Variants in OR10A6 observed in about 807,000 individuals in gnomAD.
The protein encoded by OR10A6 is olfactory receptor family 10 subfamily A member 6 (gene/pseudogene).
OR10A6 carries 2 observed loss-of-function variants against 1.5 expected under a neutral mutation model. That is an observed-to-expected ratio of 1.31 (90% CI 0.54 to 4.13). The LOEUF (loss-of-function observed/expected upper bound fraction) is 4.13, where lower values mean the gene tolerates loss of function less well. OR10A6 is among the 30% of genes most tolerant of loss of function. OR10A6 has a pLI of 0.07. For synonymous variants in OR10A6, 169 were observed against 137.3 expected (o/e 1.23, Z -1.61); for missense variants, 492 against 368.6 (o/e 1.33, Z -2.74).
At position 7,928,738 on chromosome 11, in the gene OR10A6, G is replaced by A. The variant is rs1859469641; in HGVS notation, c.-76C>T. Reference sequence around the variant, plus strand: ...TAAAGCCACAGTCCATTAGCTAAGAGTTCCAGTCTGCATTCACCCCAGAAA... The same window carrying A: ...TAAAGCCACAGTCCATTAGCTAAGAATTCCAGTCTGCATTCACCCCAGAAA... On this transcript the variant is annotated 5_prime_UTR_variant, in exon 4 of 4. Transcript: ENST00000641238. 2 of 1,057,938 alleles carry A rather than the reference G, an allele frequency of 1.9e-6. No individual in the cohort carries two copies. The highest frequency in any genetic ancestry group is 2.6e-6 in the Non-Finnish European group (2 of 765,676). The allele number at this position is 1,057,938 out of a possible 1,614,324, so 65.5% of individuals were successfully genotyped here.
chr11:7,925,802 A>G lies in OR10A6; in HGVS notation c.*1916T>C, dbSNP rs536073711. The G allele has an allele frequency of 6.6e-6, 1 of 152,240 alleles. No individual in the cohort carries two copies. Among genetic ancestry groups the G allele is most frequent in the African/African-American group, 2.4e-5 (1 of 41,464 alleles). The allele number at this position is 152,240 out of a possible 1,614,324, so 9.4% of individuals were successfully genotyped here. ...TTTGCTGAGGGCTGTTTGGTGCCCAAATGAAAACAGTATTATACAACATTC... is the reference window on the plus strand; with the variant it reads ...TTTGCTGAGGGCTGTTTGGTGCCCAGATGAAAACAGTATTATACAACATTC... On this transcript the variant is annotated 3_prime_UTR_variant, in exon 4 of 4. Transcript: ENST00000641238.
At position 7,928,911 on chromosome 11, in the gene OR10A6, A is replaced by G. The variant is rs1031634383; in HGVS notation, c.-249T>C. 5.4e-6 allele frequency: 2 copies of G among 372,412 alleles called. No individual in the cohort carries two copies. The highest frequency in any genetic ancestry group is 4.0e-5 in the East Asian group (1 of 25,046). The allele number at this position is 372,412 out of a possible 1,614,324, so 23.1% of individuals were successfully genotyped here. A position where few individuals can be genotyped will look rare whatever the true frequency, so the allele number is the denominator to read the frequency against. ...ATCTTGTCAAATAATATCAAAATTT[A>G]TTTGATATTATTTGAAAATTAAACA... On this transcript the variant is annotated 5_prime_UTR_variant, in exon 4 of 4. Transcript: ENST00000641238.
In OR10A6 at chr11:7,925,198, G is replaced by A. The variant is rs761937989; in HGVS notation, c.*2520C>T. 6.6e-6 allele frequency: 1 copy of A among 152,042 alleles called. No homozygotes were observed. The allele number at this position is 152,042 out of a possible 1,614,324, so 9.4% of individuals were successfully genotyped here. A position where few individuals can be genotyped will look rare whatever the true frequency, so the allele number is the denominator to read the frequency against. On this transcript the variant is annotated 3_prime_UTR_variant, in exon 4 of 4. Coordinates refer to ENST00000641238, the MANE Select transcript of OR10A6 (RefSeq NM_001004461.2). ...TAGTATGCAGAAATGATATGATTAG[G>A]CTATTATGTGTGAAGCATACTAACA...
chr11:7,929,430 A>G lies in OR10A6; in HGVS notation c.-768T>C, dbSNP rs1859482131. On this transcript the variant is annotated 5_prime_UTR_variant, in exon 4 of 4. Coordinates refer to ENST00000641238, the MANE Select transcript of OR10A6 (RefSeq NM_001004461.2). ...AAAACCATTTGGGGGATCATTGTGT[A>G]ATTTAAAAGATTTCACTCTCTCTCT... 1 of 151,982 alleles carries G rather than the reference A, an allele frequency of 6.6e-6. No individual in the cohort carries two copies. Among genetic ancestry groups the G allele is most frequent in the African/African-American group, 2.4e-5 (1 of 41,376 alleles). 9.4% of individuals were successfully genotyped at this position (151,982 alleles called of 1,614,324 possible).
Position 7,928,808 on chromosome 11 carries a change from G to A in OR10A6, c.-146C>T. ...GCCTATCCTGACAGAAATTTTCTTT[G>A]GCAATTTTAGACAATGACCAAATAC... On this transcript the variant is annotated 5_prime_UTR_variant, in exon 4 of 4. Coordinates refer to ENST00000641238, the MANE Select transcript of OR10A6 (RefSeq NM_001004461.2). 2.2e-6 allele frequency: 1 copy of A among 444,944 alleles called. No homozygotes were observed. The highest frequency in any genetic ancestry group is 1.0e-4 in the South Asian group (1 of 9,592). 27.6% of individuals were successfully genotyped at this position (444,944 alleles called of 1,614,324 possible). A position where few individuals can be genotyped will look rare whatever the true frequency, so the allele number is the denominator to read the frequency against.
At position 7,928,448 on chromosome 11, in the gene OR10A6, C is replaced by A. The variant is rs1239640825; in HGVS notation, c.215G>T (p.Ser72Ile). 7 of 1,613,606 alleles carry A rather than the reference C, an allele frequency of 4.3e-6. No homozygotes were observed. The Admixed American group carries it at 1.2e-4, about 27-fold the overall frequency. The change falls in exon 4 of 4, where the codon AGT becomes ATT. Residue 72 changes from serine to isoleucine, a missense_variant. By Grantham distance (142) the Ser-to-Ile change is moderately radical (BLOSUM62 -2). Transcript: ENST00000641238. ...FLLNLSVVDL[S>I]FSAVIMPEML... ...TTCAGGCATAATAACTGCACTGAAA[C>A]TCAGGTCCACCACAGATAAGTTCAG...
chr11:7,926,198 A>T lies in OR10A6; in HGVS notation c.*1520T>A, dbSNP rs1471414518. 2 of 152,446 alleles carry T rather than the reference A, an allele frequency of 1.3e-5. No homozygotes were observed. Among genetic ancestry groups the T allele is most frequent in the Non-Finnish European group, 2.9e-5 (2 of 68,268 alleles). The allele number at this position is 152,446 out of a possible 1,614,324, so 9.4% of individuals were successfully genotyped here. A position where few individuals can be genotyped will look rare whatever the true frequency, so the allele number is the denominator to read the frequency against. ...TGGTGGGGCTTTCCTGCCTTCCAGT[A>T]GGGGAACCACCCCCCATATCCCCTC... On this transcript the variant is annotated 3_prime_UTR_variant, in exon 4 of 4. Transcript: ENST00000641238.
chr11:7,928,170 T>C lies in OR10A6; in HGVS notation c.493A>G (p.Ser165Gly). 2 of 1,613,676 alleles carry C rather than the reference T, an allele frequency of 1.2e-6. No individual in the cohort carries two copies. Among genetic ancestry groups the C allele is most frequent in the Non-Finnish European group, 1.7e-6 (2 of 1,179,744 alleles). Residue 165 changes from serine to glycine, a missense_variant, in exon 4 of 4, where the codon AGT becomes GGT. Ser to Gly is a moderately conservative substitution (Grantham distance 56, BLOSUM62 0). Coordinates refer to ENST00000641238, the MANE Select transcript of OR10A6 (RefSeq NM_001004461.2). ...LGTVQTSWVS[S>G]FPFCGLNEIN... The stretch of plus-strand genomic sequence containing the variant: ...TCATTAAGGCCACAAAAGGGAAAAC[T>C]AGATACCCATGATGTTTGAACAGTA...
chr11:7,928,672 T>C lies in OR10A6; in HGVS notation c.-10A>G, dbSNP rs1454764733. On this transcript the variant is annotated 5_prime_UTR_variant, in exon 4 of 4. Coordinates refer to ENST00000641238, the MANE Select transcript of OR10A6 (RefSeq NM_001004461.2). ...GATTTTGTCTTTCCATTTTCAGTAATGAAGTCGTGCATTGATTTTATGGAC... is the reference window on the plus strand; with the variant it reads ...GATTTTGTCTTTCCATTTTCAGTAACGAAGTCGTGCATTGATTTTATGGAC... The C allele has an allele frequency of 3.2e-6, 5 of 1,576,620 alleles. No individual in the cohort carries two copies. Among genetic ancestry groups the C allele is most frequent in the African/African-American group, 1.4e-5 (1 of 73,480 alleles).
rs1327107080 is a variant in OR10A6, at chr11:7,928,434, T to A, written c.229A>T (p.Ile77Phe). 1.9e-6 allele frequency: 3 copies of A among 1,613,676 alleles called. No homozygotes were observed. Among genetic ancestry groups the A allele is most frequent in the Non-Finnish European group, 2.5e-6 (3 of 1,179,876 alleles). Reference protein sequence around the residue: ...SVVDLSFSAVIMPEMLVVLST... With the variant: ...SVVDLSFSAVFMPEMLVVLST... ...AGGACCACCAGCATTTCAGGCATAA[T>A]AACTGCACTGAAACTCAGGTCCACC... The change falls in exon 4 of 4, where the codon ATT (isoleucine) becomes TTT (phenylalanine). Residue 77 changes from isoleucine to phenylalanine, a missense_variant. Physicochemically the swap from Ile to Phe is conservative, Grantham distance 21 (BLOSUM62 0). Transcript: ENST00000641238.
rs1031874667 is a variant in OR10A6 at position 7,929,178 on chromosome 11, C to G, written c.-516G>C. ...AAAATATTAATTAGATTCAAAGTAC[C>G]TATATATGACTTGGAGAAAGAAAAC... On this transcript the variant is annotated 5_prime_UTR_variant, in exon 4 of 4. Transcript: ENST00000641238. The G allele has an allele frequency of 7.9e-5, 12 of 152,222 alleles. No homozygotes were observed. Among genetic ancestry groups the G allele is most frequent in the African/African-American group, 1.7e-4 (7 of 41,412 alleles). The allele number at this position is 152,222 out of a possible 1,614,324, so 9.4% of individuals were successfully genotyped here.
At position 7,929,968 on chromosome 11, in the gene OR10A6, A is replaced by ATATATATGTG. The variant is rs1169231283; in HGVS notation, c.-1307_-1306insCACATATATA. 5 of 62,696 alleles carry ATATATATGTG rather than the reference A, an allele frequency of 8.0e-5. No homozygotes were observed. The highest frequency in any genetic ancestry group is 6.6e-3 in the Middle Eastern group (1 of 152). 3.9% of individuals were successfully genotyped at this position (62,696 alleles called of 1,614,324 possible). ...TAGTAAGGTATGTGTATGTGTATGTATATATATATATATATATATATATAT... is the reference window on the plus strand; with the variant it reads ...TAGTAAGGTATGTGTATGTGTATGTATATATATGTGTATATATATATATATATATATATAT... On this transcript the variant is annotated 5_prime_UTR_variant, in exon 4 of 4. Coordinates refer to ENST00000641238, the MANE Select transcript of OR10A6 (RefSeq NM_001004461.2).
In OR10A6 at chr11:7,927,403, C is replaced by A. The variant is rs372170215; in HGVS notation, c.*315G>T. The A allele has an allele frequency of 3.3e-4, 82 of 246,002 alleles. 1 individual carries two copies. In the South Asian group the frequency reaches 0.012, roughly 37 times the overall value. 15.2% of individuals were successfully genotyped at this position (246,002 alleles called of 1,614,324 possible). The stretch of plus-strand genomic sequence containing the variant: ...AAGCTATTCTGTAAAAATTAAAGCA[C>A]CAGAATTTATGAATATATAAAAACT... On this transcript the variant is annotated 3_prime_UTR_variant, in exon 4 of 4. Coordinates refer to ENST00000641238, the MANE Select transcript of OR10A6 (RefSeq NM_001004461.2).
chr11:7,928,819 A>G lies in OR10A6; in HGVS notation c.-157T>C. 2.3e-6 allele frequency: 1 copy of G among 428,898 alleles called. No individual in the cohort carries two copies. The highest frequency in any genetic ancestry group is 3.4e-5 in the East Asian group (1 of 29,224). The allele number at this position is 428,898 out of a possible 1,614,324, so 26.6% of individuals were successfully genotyped here. ...CAGAAATTTTCTTTGGCAATTTTAGACAATGACCAAATACTTGGATTATAT... is the reference window on the plus strand; with the variant it reads ...CAGAAATTTTCTTTGGCAATTTTAGGCAATGACCAAATACTTGGATTATAT... On this transcript the variant is annotated 5_prime_UTR_variant, in exon 4 of 4. Coordinates refer to ENST00000641238, the MANE Select transcript of OR10A6 (RefSeq NM_001004461.2).
rs1463968483 is a variant in OR10A6, at chr11:7,926,055, T to C, written c.*1663A>G. ...ATACCTACCCTTTCCTAATTGGTTT[T>C]TCTACACTGTCATGCCCACCTTTGA... On this transcript the variant is annotated 3_prime_UTR_variant, in exon 4 of 4. Coordinates refer to ENST00000641238, the MANE Select transcript of OR10A6 (RefSeq NM_001004461.2). 6.6e-6 allele frequency: 1 copy of C among 152,258 alleles called. No homozygotes were observed. Among genetic ancestry groups the C allele is most frequent in the Admixed American group, 6.5e-5 (1 of 15,278 alleles). The allele number at this position is 152,258 out of a possible 1,614,324, so 9.4% of individuals were successfully genotyped here. A position where few individuals can be genotyped will look rare whatever the true frequency, so the allele number is the denominator to read the frequency against.
At chr11:7,931,063 T>G (rs1287117588) in intron 1 of OR10A6, 50 bp from the exon 2 acceptor site, 1 of 152,166 alleles carries the variant, frequency 6.6e-6, no homozygotes, top group Non-Finnish European at 1.5e-5. Flanking sequence ...GTCTACTGAC[T>G]CAATGTTTCA....
Position 7,928,316 on chromosome 11 carries a change from C to A in OR10A6, c.347G>T (p.Gly116Val). 1 of 1,613,818 alleles carries A rather than the reference C, an allele frequency of 6.2e-7. No individual in the cohort carries two copies. Among genetic ancestry groups the A allele is most frequent in the South Asian group, 1.1e-5 (1 of 91,066 alleles). Residue 116 changes from glycine (G) to valine (V), a missense_variant, in exon 4 of 4, where the codon GGA becomes GTA. Transcript: ENST00000641238. ...AGCAAATCGGTCATAAGCCATTGCT[C>A]CCAGAAGAAAACATTCAGCCCCACC... The part of the protein sequence containing the change: ...LFGGAECFLL[G>V]AMAYDRFAAI...
Position 7,925,795 on chromosome 11 carries a change from G to A in OR10A6, c.*1923C>T, listed in dbSNP as rs189822868. 1.3e-5 allele frequency: 2 copies of A among 152,308 alleles called. No individual in the cohort carries two copies. Among genetic ancestry groups the A allele is most frequent in the East Asian group, 3.9e-4 (2 of 5,176 alleles). The allele number at this position is 152,308 out of a possible 1,614,324, so 9.4% of individuals were successfully genotyped here. ...AAAGGCTTTTGCTGAGGGCTGTTTG[G>A]TGCCCAAATGAAAACAGTATTATAC... On this transcript the variant is annotated 3_prime_UTR_variant, in exon 4 of 4. Transcript: ENST00000641238.
rs1178510436 is a variant in OR10A6 at position 7,926,047 on chromosome 11, A to G, written c.*1671T>C. On this transcript the variant is annotated 3_prime_UTR_variant, in exon 4 of 4. Coordinates refer to ENST00000641238, the MANE Select transcript of OR10A6 (RefSeq NM_001004461.2). ...TTTTACATATACCTACCCTTTCCTAATTGGTTTTTCTACACTGTCATGCCC... is the reference window on the plus strand; with the variant it reads ...TTTTACATATACCTACCCTTTCCTAGTTGGTTTTTCTACACTGTCATGCCC... The G allele has an allele frequency of 6.6e-6, 1 of 152,042 alleles. No homozygotes were observed. Among genetic ancestry groups the G allele is most frequent in the African/African-American group, 2.4e-5 (1 of 41,394 alleles). 9.4% of individuals were successfully genotyped at this position (152,042 alleles called of 1,614,324 possible).
Sources: gnomAD v4.1 joint callset for allele counts on GRCh38, gnomAD v4.1.1 for gene constraint, MANE v1.5 for transcripts, NCBI Gene and HGNC (gene_info 2026-07-23, HGNC 2026-07-21) for gene names.